CYP4X1: variants seen among roughly 807,000 people sequenced by gnomAD.
CYP4X1 encodes cytochrome P450 family 4 subfamily X member 1.
CYP4X1 carries 44 observed loss-of-function variants against 57.9 expected under a neutral mutation model. That is an observed-to-expected ratio of 0.76 (90% CI 0.60 to 0.98). CYP4X1 has a LOEUF of 0.98. Among genes scored for constraint, CYP4X1 ranks in the 50% least tolerant of loss-of-function variants. The pLI is 0.00. For missense variants in CYP4X1, 532 were observed against 623.9 expected (o/e 0.85, Z 1.57); for synonymous variants, 227 against 228.6 (o/e 0.99, Z 0.06).
intron 1 of CYP4X1, among the ~76,000 whole-genome samples, chr1:47,027,314 T>C (rs1259736230): frequency 6.6e-6 from 1 of 152,116 alleles, no homozygotes; most frequent in Non-Finnish European, 1.5e-5. Flanking sequence ...TGCAGGGAAA[T>C]CTAGTATCTA....
chr1:47,047,074 T>G (rs1313858358), intron 9 of CYP4X1, among the ~76,000 whole-genome samples: 1 of 152,186 alleles, frequency 6.6e-6, no homozygotes, highest in Non-Finnish European at 1.5e-5. Context: ...CCCCTTGGAA[T>G]CCAATGTTAA....
At chr1:46,989,258 GACAA>G in the CYP4X1 span, among the ~76,000 whole-genome samples, 1 of 151,922 alleles carries the variant, frequency 6.6e-6, no homozygotes, top group South Asian at 2.1e-4. Flanking sequence ...AACAATAATC[GACAA>G]ACAGAGAGCC....
intron 3 of CYP4X1, among the ~76,000 whole-genome samples, chr1:47,032,898 T>A (rs1196378795): frequency 3.3e-5 from 5 of 152,290 alleles, no homozygotes; most frequent in Admixed American, 2.6e-4. Flanking sequence ...TAGTTCATTA[T>A]TGAGAAAAGT....
upstream of CYP4X1, among the ~76,000 whole-genome samples, chr1:47,021,142 C>CAAAAAAAAAAAAAAAAA (rs546594827): frequency 8.4e-5 from 4 of 47,458 alleles, no homozygotes; most frequent in Non-Finnish European, 1.0e-4. Flanking sequence ...GCAGGAATGC[C>CAAAAAAAAAAAAAAAAA]AAAAAAAAAA....
chr1:46,971,112 C>T, the CYP4X1 span, among the ~76,000 whole-genome samples: 1 of 152,188 alleles, frequency 6.6e-6, no homozygotes, highest in East Asian at 1.9e-4. Flanking sequence ...CCATGGTATC[C>T]ATTCCCTTCT....
chr1:47,033,505 C>T (rs139718734), intron 4 of CYP4X1, 137 bp downstream of exon 4: 2 of 1,072,860 alleles, frequency 1.9e-6, no homozygotes, highest in Non-Finnish European at 2.6e-6. Flanking sequence ...ACTTATTGAA[C>T]AATAGGTGTC....
chr1:46,987,836 G>A, the CYP4X1 span, among the ~76,000 whole-genome samples: 2 of 151,944 alleles, frequency 1.3e-5, no homozygotes, highest in African/African-American at 2.4e-5. Flanking sequence ...TTCAAACCAA[G>A]GAGAACAAAC....
chr1:47,048,051 T>C (rs1177812378), intron 9 of CYP4X1, among the ~76,000 whole-genome samples: 3 of 148,660 alleles, frequency 2.0e-5, no homozygotes, highest in Non-Finnish European at 3.0e-5. Flanking sequence ...GAGACTAGCC[T>C]GGGCAACATA....
chr1:47,011,180 A>G, the CYP4X1 span, among the ~76,000 whole-genome samples: 1 of 152,204 alleles, frequency 6.6e-6, no homozygotes, highest in East Asian at 1.9e-4. Context: ...ACAGTAACCA[A>G]AACAGCATGG....
the CYP4X1 span, among the ~76,000 whole-genome samples, chr1:47,004,387 G>A: frequency 1.3e-5 from 2 of 152,108 alleles, no homozygotes; most frequent in African/African-American, 4.8e-5. Flanking sequence ...CAAAGTTTGG[G>A]ATTTATTTTT....
the CYP4X1 span, among the ~76,000 whole-genome samples, chr1:46,973,607 C>A: frequency 1.3e-5 from 2 of 151,942 alleles, no homozygotes; most frequent in Non-Finnish European, 2.9e-5. Flanking sequence ...AATTTAATAC[C>A]TTGATATTAT....
At chr1:47,008,565 A>G in the CYP4X1 span, among the ~76,000 whole-genome samples, 25 of 152,332 alleles carry the variant, frequency 1.6e-4, no homozygotes, top group African/African-American at 6.0e-4. Context: ...TCAAATTCAC[A>G]CATAACAATA....
the CYP4X1 span, among the ~76,000 whole-genome samples, chr1:46,992,593 T>A: frequency 5.3e-5 from 8 of 152,224 alleles, no homozygotes; most frequent in Non-Finnish European, 1.0e-4. Context: ...TTCACTCCTG[T>A]TTGTGATGAA....
At chr1:46,961,832 T>A in the CYP4X1 span, 2 of 1,217,500 alleles carry the variant, frequency 1.6e-6, no homozygotes, top group Non-Finnish European at 2.1e-6. Context: ...CTGCCCTACT[T>A]AGTTGGTTAT....
intron 1 of CYP4X1, among the ~76,000 whole-genome samples, chr1:47,025,399 C>T (rs1456800426): frequency 6.6e-6 from 1 of 152,212 alleles, no homozygotes; most frequent in Non-Finnish European, 1.5e-5. Context: ...ATGACCCAGC[C>T]TCAGGTATTC....
At chr1:47,022,416 G>C (rs1557599032), upstream of CYP4X1, among the ~76,000 whole-genome samples, 1 of 150,942 alleles carries the variant, frequency 6.6e-6, no homozygotes, top group Non-Finnish European at 1.5e-5. Context: ...TCAGCCTCCT[G>C]AGTAGCTGGG....
At chr1:46,984,732 G>A in the CYP4X1 span, among the ~76,000 whole-genome samples, 4 of 152,180 alleles carry the variant, frequency 2.6e-5, no homozygotes, top group Non-Finnish European at 5.9e-5. Flanking sequence ...AGATTCCCTG[G>A]GGTGCCTATG....
chr1:47,045,611 T>C (rs1644292494), intron 8 of CYP4X1, among the ~76,000 whole-genome samples: 1 of 152,176 alleles, frequency 6.6e-6, no homozygotes, highest in South Asian at 2.1e-4. Flanking sequence ...ACTGACTAGC[T>C]CCCCAATACC....
downstream of CYP4X1, among the ~76,000 whole-genome samples, chr1:47,053,928 TC>T (rs1483503732): frequency 6.6e-6 from 1 of 152,178 alleles, no homozygotes; most frequent in Non-Finnish European, 1.5e-5. Flanking sequence ...TTTAATTAGA[TC>T]CCATTTGTCA....
Sources: gnomAD v4.1 joint callset for allele counts (sites outside exome capture counted in the v4.1 genomes callset) on GRCh38, gnomAD v4.1.1 for gene constraint, MANE v1.5 for transcripts, NCBI Gene and HGNC (gene_info 2026-07-23, HGNC 2026-07-21) for gene names.